The following LINGO1 variants were observed in gnomAD, a reference collection of about 807,000 sequenced individuals.
LINGO1 encodes leucine-rich repeat and immunoglobulin-like domain-containing nogo receptor-interacting protein 1.
LINGO1 carries 11 observed loss-of-function variants against 37.3 expected under a neutral mutation model. The observed-to-expected ratio is 0.29, with a 90% confidence interval of 0.19 to 0.49. LINGO1 has a LOEUF of 0.49. Among genes scored for constraint, LINGO1 ranks in the 20% least tolerant of loss-of-function variants. The probability of loss-of-function intolerance (pLI) is 0.99; values close to 1 mark genes in which losing one functional copy is unlikely to be tolerated. For missense variants in LINGO1, 585 were observed against 878.2 expected, an observed-to-expected ratio of 0.67 and a Z score of 4.22; for synonymous variants, 387 against 403.0, an observed-to-expected ratio of 0.96 and a Z score of 0.48.
At chr15:77,624,585 G>C (rs2074034394) in intron 1 of LINGO1, among the ~76,000 whole-genome samples, 2 of 152,228 alleles carry the variant, frequency 1.3e-5, no homozygotes, top group Non-Finnish European at 2.9e-5. Context: ...AGTGTTTAAA[G>C]GCTTCTATAT....
intron 2 of LINGO1, among the ~76,000 whole-genome samples, chr15:77,705,205 A>ACACACC (rs1555532644): frequency 2.8e-5 from 4 of 145,328 alleles, no homozygotes; most frequent in African/African-American, 1.1e-4. Context: ...ACACACACAC[A>ACACACC]CCAGTCCACT....
chr15:77,787,758 A>C (rs1445409076), upstream of LINGO1: 1 of 152,144 alleles, frequency 6.6e-6, no homozygotes, highest in Non-Finnish European at 1.5e-5. Context: ...CAGCCTTTTT[A>C]TTATTCAGAA....
At chr15:77,802,150 G>T (rs558569088) in intron 1 of LINGO1, among the ~76,000 whole-genome samples, 1 of 152,254 alleles carries the variant, frequency 6.6e-6, no homozygotes, top group East Asian at 1.9e-4. Flanking sequence ...GTGCGTGGAG[G>T]TGACTGGGGC....
chr15:77,651,569 C>T (rs1028889137), intron 3 of LINGO1: 15 of 152,186 alleles, frequency 9.9e-5, no homozygotes, highest in Admixed American at 9.8e-4. Context: ...CTAGAAGGCA[C>T]TACGTTGGAT....
chr15:77,750,703 C>T (rs1262531562), intron 1 of LINGO1, among the ~76,000 whole-genome samples: 1 of 152,252 alleles, frequency 6.6e-6, no homozygotes, highest in African/African-American at 2.4e-5. Context: ...TGCACCACCT[C>T]CTTTCCACCC....
chr15:77,814,422 A>C (rs2077032235), intron 1 of LINGO1, among the ~76,000 whole-genome samples: 1 of 152,208 alleles, frequency 6.6e-6, no homozygotes, highest in African/African-American at 2.4e-5. Flanking sequence ...GAGTATAAAA[A>C]CACAAAATTA....
chr15:77,773,582 C>T (rs941972372), intron 1 of LINGO1, among the ~76,000 whole-genome samples: 21 of 152,184 alleles, frequency 1.4e-4, no homozygotes, highest in African/African-American at 5.1e-4. Context: ...TCCCTCTCCA[C>T]ACAGGAAGGC....
chr15:77,778,251 C>T (rs1222763083), intron 1 of LINGO1, among the ~76,000 whole-genome samples: 1 of 152,204 alleles, frequency 6.6e-6, no homozygotes, highest in African/African-American at 2.4e-5. Context: ...CTCTGCCTCC[C>T]TCTTATATGG....
At chr15:77,667,379 C>A (rs1041811267) in intron 3 of LINGO1, among the ~76,000 whole-genome samples, 2 of 152,128 alleles carry the variant, frequency 1.3e-5, no homozygotes, top group Non-Finnish European at 2.9e-5. Flanking sequence ...GGATGTGGAG[C>A]CTGCTCTTCA....
intron 1 of LINGO1, among the ~76,000 whole-genome samples, chr15:77,747,535 G>A (rs2076326305): frequency 6.6e-6 from 1 of 152,228 alleles, no homozygotes; most frequent in African/African-American, 2.4e-5. Flanking sequence ...GTGTCAGAAT[G>A]CCCACCAATT....
intron 2 of LINGO1, among the ~76,000 whole-genome samples, chr15:77,716,280 C>CTTCTT (rs1555533898): frequency 6.7e-5 from 8 of 119,252 alleles, no homozygotes; most frequent in Non-Finnish European, 1.2e-4. Flanking sequence ...TCTTCTTCTT[C>CTTCTT]TTTTTTTTTT....
chr15:77,627,763 A>C (rs907565598), intron 1 of LINGO1, among the ~76,000 whole-genome samples: 3 of 152,196 alleles, frequency 2.0e-5, no homozygotes, highest in African/African-American at 7.2e-5. Flanking sequence ...TGCACTAAAC[A>C]TGCAGGGACT....
At chr15:77,738,438 C>T (rs545206584) in intron 1 of LINGO1, among the ~76,000 whole-genome samples, 2 of 152,140 alleles carry the variant, frequency 1.3e-5, no homozygotes, top group African/African-American at 2.4e-5. Flanking sequence ...TTTGCCCTCT[C>T]GCTCCTTCTA....
chr15:77,714,655 C>G (rs997578469), intron 2 of LINGO1, among the ~76,000 whole-genome samples: 1 of 152,256 alleles, frequency 6.6e-6, no homozygotes, highest in Non-Finnish European at 1.5e-5. Context: ...CAGCCAGTGC[C>G]TGGAGCGTGG....
chr15:77,700,208 C>T (rs2141272355), upstream of LINGO1, among the ~76,000 whole-genome samples: 1 of 152,184 alleles, frequency 6.6e-6, no homozygotes, highest in East Asian at 1.9e-4. Flanking sequence ...CTGAGAGCTC[C>T]TCCCCCCAAC....
At chr15:77,737,265 C>T (rs1275523258) in intron 1 of LINGO1, among the ~76,000 whole-genome samples, 5 of 152,192 alleles carry the variant, frequency 3.3e-5, no homozygotes. Flanking sequence ...TACTCAGCAC[C>T]TGTTGTGCAT....
At chr15:77,685,795 G>A (rs1014280713) in intron 2 of LINGO1, among the ~76,000 whole-genome samples, 5 of 152,058 alleles carry the variant, frequency 3.3e-5, no homozygotes, top group East Asian at 1.9e-4. Flanking sequence ...AGGCTTCCAT[G>A]AGCCATGATC....
In LINGO1 at chr15:77,615,359, G is replaced by A. The variant is rs9855; in HGVS notation, c.548C>T (p.Ser183Phe). 6.2e-7 allele frequency: 1 copy of A among 1,614,006 alleles called. No individual in the cohort carries two copies. The highest frequency in any genetic ancestry group is 1.1e-5 in the South Asian group (1 of 91,078). Residue 183 changes from serine (S) to phenylalanine (F), a missense_variant, in exon 2 of 2, where the codon TCT becomes TTT. Ser to Phe is a radical substitution (Grantham distance 155). Transcript: ENST00000355300. ...GTTGAGGCCGCTGAAGGCGCGGTGA[G>A]AGATGTAGACGAGGTCATTGTCGCC... ...EVGDNDLVYI[S>F]HRAFSGLNSL...
At chr15:77,814,384 A>G (rs1162494778) in intron 1 of LINGO1, among the ~76,000 whole-genome samples, 1 of 152,200 alleles carries the variant, frequency 6.6e-6, no homozygotes, top group East Asian at 1.9e-4. Context: ...ACTTTATTGG[A>G]ACTACCATGA....
Sources: gnomAD v4.1 joint callset for allele counts (sites outside exome capture counted in the v4.1 genomes callset) on GRCh38, gnomAD v4.1.1 for gene constraint, MANE v1.5 for transcripts, NCBI Gene and HGNC (gene_info 2026-07-23, HGNC 2026-07-21) for gene names.